The following MSI2 variants were observed in gnomAD, a reference collection of about 807,000 sequenced individuals.
MSI2 encodes the protein RNA-binding protein Musashi homolog 2.
Under a neutral mutation model 45.6 loss-of-function variants are expected in MSI2, and 17 were observed. That is an observed-to-expected ratio of 0.37 (90% CI 0.26 to 0.56). The LOEUF (loss-of-function observed/expected upper bound fraction) is 0.56. Among genes scored for constraint, MSI2 ranks in the 20% least tolerant of loss-of-function variants. The pLI, the probability that MSI2 is intolerant of heterozygous loss-of-function variation, is 0.77. For synonymous variants in MSI2, 156 were observed against 158.2 expected, an observed-to-expected ratio of 0.99 and a Z score of 0.11; for missense variants, 293 against 444.2, an observed-to-expected ratio of 0.66 and a Z score of 3.06.
chr17:57,422,019 C>T (rs759221283), intron 6 of MSI2, among the ~76,000 whole-genome samples: 1 of 152,192 alleles, frequency 6.6e-6, no homozygotes, highest in Non-Finnish European at 1.5e-5. Context: ...CACAGCTTTA[C>T]AATTATAGTT....
At chr17:57,437,283 G>A (rs2084707370) in intron 6 of MSI2, among the ~76,000 whole-genome samples, 1 of 152,076 alleles carries the variant, frequency 6.6e-6, no homozygotes, top group South Asian at 2.1e-4. Context: ...AATCCCTTTG[G>A]AACAAAATGA....
intron 7 of MSI2, among the ~76,000 whole-genome samples, chr17:57,543,357 T>A (rs1264380479): frequency 6.6e-6 from 1 of 152,228 alleles, no homozygotes; most frequent in Non-Finnish European, 1.5e-5. Context: ...TTGGTTTGAA[T>A]CAAAAACATC....
intron 5 of MSI2, among the ~76,000 whole-genome samples, chr17:57,356,165 G>A (rs879887014): frequency 6.6e-6 from 1 of 152,168 alleles, no homozygotes; most frequent in African/African-American, 2.4e-5. Context: ...TTGAGCCACC[G>A]TGCCTGGCCA....
rs117241290 is a variant in MSI2 at position 57,358,691 on chromosome 17, A to G, written c.313-42688A>G. ...AGGTCACACAAATTCCATGAAAACC[A>G]TAAGTACAAGGTTTGAGGAAAATAA... is the stretch of plus-strand genomic sequence containing the variant. On this transcript the variant is annotated intron_variant, in intron 5 of 13. Transcript: ENST00000284073. 6.0e-3 allele frequency among the ~76,000 whole-genome samples: 909 copies of G among 152,330 alleles called. 9 individuals are homozygous for G. Among genetic ancestry groups the G allele is most frequent in the Non-Finnish European group, 0.011 (732 of 68,020 alleles).
chr17:57,458,511 CTG>C (rs1161153913), intron 6 of MSI2, among the ~76,000 whole-genome samples: 1 of 152,196 alleles, frequency 6.6e-6, no homozygotes, highest in Admixed American at 6.5e-5. Flanking sequence ...CTCTGGGTCA[CTG>C]TGCAATTTCT....
At chr17:57,405,172 C>G (rs966229561) in intron 6 of MSI2, among the ~76,000 whole-genome samples, 11 of 152,160 alleles carry the variant, frequency 7.2e-5, no homozygotes, top group Admixed American at 7.2e-4. Flanking sequence ...CCTTTGCTGG[C>G]CTCGGCTTCT....
intron 6 of MSI2, among the ~76,000 whole-genome samples, chr17:57,509,555 G>T (rs1418317956): frequency 3.9e-5 from 6 of 152,158 alleles, no homozygotes; most frequent in Non-Finnish European, 8.8e-5. Flanking sequence ...TGAGTAGCTG[G>T]GATTACACAC....
intron 10 of MSI2, among the ~76,000 whole-genome samples, chr17:57,638,451 G>A (rs750198048): frequency 7.2e-5 from 11 of 152,170 alleles, no homozygotes; most frequent in South Asian, 4.1e-4. Context: ...TCCCACGTGC[G>A]GCCAGATGTG....
intron 5 of MSI2, among the ~76,000 whole-genome samples, chr17:57,352,062 T>C (rs765984072): frequency 4.6e-5 from 7 of 152,232 alleles, no homozygotes; most frequent in Non-Finnish European, 1.0e-4. Context: ...CATAAGGTAC[T>C]GGAGGTACTG....
In MSI2 at chr17:57,611,270, G is replaced by C. The variant is rs1376866057; in HGVS notation, c.538-4700G>C. Among the ~76,000 whole-genome samples the C allele has an allele frequency of 2.1e-5, 2 of 95,548 alleles. 1 individual carries two copies. The highest frequency in any genetic ancestry group is 2.1e-4 in the Admixed American group (2 of 9,658). 62.7% of individuals were successfully genotyped at this position (95,548 alleles called of 152,430 possible). On this transcript the variant is annotated intron_variant, in intron 8 of 13. Transcript: ENST00000284073. ...CTGCAGCAAGAGGCCTGGTCCCCAT[G>C]AGCACCACATTTGTTTTGTTTTAGA...
Position 57,679,128 on chromosome 17 carries a change from G to GT in MSI2, c.*32-413dup, listed in dbSNP as rs538597681. On this transcript the variant is annotated intron_variant, in intron 13 of 13. Transcript: ENST00000284073. Reference sequence around the variant, plus strand: ...TATCTAATAAAGGCAAGTTTGTGGGGTTTTTTTTGTTTGTTTGTTTGTTTT... The same window carrying GT: ...TATCTAATAAAGGCAAGTTTGTGGGGTTTTTTTTTGTTTGTTTGTTTGTTTT... Among the ~76,000 whole-genome samples the GT allele has an allele frequency of 4.1e-4, 62 of 152,016 alleles. No individual in the cohort carries two copies. In the South Asian group the frequency reaches 5.6e-3, roughly 14 times the overall value.
chr17:57,514,902 C>T (rs1169650405), intron 6 of MSI2, among the ~76,000 whole-genome samples: 4 of 152,084 alleles, frequency 2.6e-5, no homozygotes, highest in African/African-American at 9.7e-5. Flanking sequence ...TATCAGGCAC[C>T]ATGGGTACCC....
intron 5 of MSI2, among the ~76,000 whole-genome samples, chr17:57,319,025 G>A (rs947113010): frequency 2.0e-5 from 3 of 152,208 alleles, no homozygotes; most frequent in Admixed American, 6.5e-5. Flanking sequence ...GACAACTTTT[G>A]TGCCCACTGG....
intron 6 of MSI2, among the ~76,000 whole-genome samples, chr17:57,445,693 G>A (rs1050709579): frequency 3.9e-5 from 6 of 152,096 alleles, no homozygotes; most frequent in South Asian, 4.2e-4. Flanking sequence ...TTTATAAGCC[G>A]TTTAAGGAGG....
chr17:57,419,639 G>A, intron 6 of MSI2, among the ~76,000 whole-genome samples: 1 of 151,936 alleles, frequency 6.6e-6, no homozygotes, highest in East Asian at 1.9e-4. Flanking sequence ...CTCCCAAAGT[G>A]CAGGGATTAC....
At chr17:57,581,695 G>T (rs564578932) in intron 7 of MSI2, among the ~76,000 whole-genome samples, 7 of 152,286 alleles carry the variant, frequency 4.6e-5, no homozygotes, top group African/African-American at 1.7e-4. Flanking sequence ...GATCCCCAGG[G>T]CTGCCCACTG....
intron 6 of MSI2, among the ~76,000 whole-genome samples, chr17:57,505,783 G>C (rs2086215076): frequency 6.6e-6 from 1 of 152,196 alleles, no homozygotes; most frequent in Non-Finnish European, 1.5e-5. Context: ...TCAGGGTGGA[G>C]TCGGGGGACA....
chr17:57,466,490 A>C (rs774697504), intron 6 of MSI2, among the ~76,000 whole-genome samples: 8 of 152,190 alleles, frequency 5.3e-5, no homozygotes, highest in Non-Finnish European at 1.0e-4. Flanking sequence ...GATATTGAAA[A>C]TGTCAGCAGC....
intron 5 of MSI2, chr17:57,268,495 G>A (rs1349155606): frequency 1.3e-5 from 2 of 151,440 alleles, no homozygotes; most frequent in African/African-American, 2.4e-5. Flanking sequence ...TTAGGTTCAT[G>A]CCTTATCTTC....
Sources: allele counts gnomAD v4.1 joint callset (sites outside exome capture counted in the v4.1 genomes callset), GRCh38; gene constraint gnomAD v4.1.1; transcripts MANE v1.5; gene names NCBI Gene and HGNC (gene_info 2026-07-23, HGNC 2026-07-21).